The following SLC25A16 variants were observed in gnomAD, a reference collection of about 807,000 sequenced individuals.
SLC25A16 encodes the protein solute carrier family 25 member 16, also known as mitochondrial coenzyme A transporter SLC25A16.
A neutral mutation model predicts 41.5 loss-of-function variants in SLC25A16; 39 were observed. The observed-to-expected ratio is 0.94, with a 90% CI of 0.73 to 1.23. The LOEUF is 1.23. Ranked by LOEUF, SLC25A16 falls within the 50% of genes most tolerant of loss-of-function variation. The pLI is 0.00. For missense variants in SLC25A16, 421 were observed against 426.9 expected (o/e 0.99, Z 0.12); for synonymous variants, 146 against 147.8 (o/e 0.99, Z 0.09).
chr10:68,494,993 G>A (rs988926016), intron 4 of SLC25A16, among the ~76,000 whole-genome samples: 18 of 151,624 alleles, frequency 1.2e-4, no homozygotes, highest in African/African-American at 4.4e-4. Context: ...TAAAGGTAAA[G>A]GAGGTGTGTG....
chr10:68,519,876 C>A (rs1294872519), intron 1 of SLC25A16, among the ~76,000 whole-genome samples: 4 of 151,118 alleles, frequency 2.6e-5, no homozygotes, highest in Admixed American at 2.6e-4. Context: ...GATCATGTCA[C>A]TGCACTCCAG....
At chr10:68,502,195 C>A (rs2052859245) in intron 4 of SLC25A16, among the ~76,000 whole-genome samples, 1 of 151,670 alleles carries the variant, frequency 6.6e-6, no homozygotes. Flanking sequence ...GCCTGGGCAA[C>A]AGAACAAGAC....
intron 1 of SLC25A16, chr10:68,517,800 C>CT (rs1331224629): frequency 6.6e-6 from 1 of 151,078 alleles, no homozygotes; most frequent in Admixed American, 6.6e-5. Context: ...GAAACCCCGT[C>CT]TCTATCAAAT....
chr10:68,526,196 C>T (rs942748791), intron 1 of SLC25A16, among the ~76,000 whole-genome samples: 4 of 151,168 alleles, frequency 2.6e-5, no homozygotes. Flanking sequence ...TGGAATGTCT[C>T]GGTATAAAAC....
At chr10:68,516,887 C>T (rs2053170130) in intron 1 of SLC25A16, 44 bp from the exon 2 acceptor site, 2 of 1,427,702 alleles carry the variant, frequency 1.4e-6, no homozygotes, top group Non-Finnish European at 2.0e-6. Context: ...CGTACCATTT[C>T]TTTCCAGATG....
At position 68,480,973 on chromosome 10, in the gene SLC25A16, A is replaced by G. The variant is rs1238399931; in HGVS notation, c.*2459T>C. On this transcript the variant is annotated 3_prime_UTR_variant, in exon 9 of 9. Coordinates refer to ENST00000609923, the MANE Select transcript of SLC25A16 (RefSeq NM_152707.4). ...TGTACAGCCTTTTTTTTTCTTTTAT[A>G]CAGTCTCACTCTGTATAAAAGAAAT... 1 of 146,928 alleles carries G rather than the reference A, an allele frequency of 6.8e-6. No homozygotes were observed. The highest frequency in any genetic ancestry group is 1.5e-5 in the Non-Finnish European group (1 of 67,084). 9.1% of individuals were successfully genotyped at this position (146,928 alleles called of 1,614,324 possible).
intron 2 of SLC25A16, among the ~76,000 whole-genome samples, chr10:68,509,292 G>A (rs1054726041): frequency 1.3e-5 from 2 of 152,048 alleles, no homozygotes; most frequent in African/African-American, 4.8e-5. Flanking sequence ...AGCCACTCCA[G>A]CGACACTGCA....
intron 6 of SLC25A16, 44 bp downstream of exon 6, chr10:68,493,088 A>AT: frequency 8.7e-7 from 1 of 1,144,970 alleles, no homozygotes; most frequent in Non-Finnish European, 1.3e-6. Flanking sequence ...AAGGTAACAA[A>AT]TTTTAAACAT....
At chr10:68,485,837 G>T (rs1276718669) in intron 8 of SLC25A16, among the ~76,000 whole-genome samples, 1 of 136,574 alleles carries the variant, frequency 7.3e-6, no homozygotes, top group African/African-American at 2.8e-5. Context: ...TCACTCTATC[G>T]CCCAGGCTGG....
At chr10:68,518,815 T>C (rs1213654875) in intron 1 of SLC25A16, among the ~76,000 whole-genome samples, 1 of 148,642 alleles carries the variant, frequency 6.7e-6, no homozygotes, top group South Asian at 2.1e-4. Context: ...ATAAATTAAA[T>C]AAATAAATAA....
At chr10:68,515,970 C>T (rs903267132) in intron 2 of SLC25A16, among the ~76,000 whole-genome samples, 1 of 152,042 alleles carries the variant, frequency 6.6e-6, no homozygotes, top group African/African-American at 2.4e-5. Context: ...TATATAACCA[C>T]TACTGCAAAT....
chr10:68,520,441 C>T (rs1012187899), intron 1 of SLC25A16, among the ~76,000 whole-genome samples: 19 of 151,972 alleles, frequency 1.3e-4, no homozygotes, highest in African/African-American at 4.6e-4. Context: ...TTTGGGAGGC[C>T]TAGGTGGGAG....
At chr10:68,495,491 A>G (rs1425037014) in intron 4 of SLC25A16, among the ~76,000 whole-genome samples, 1 of 151,140 alleles carries the variant, frequency 6.6e-6, no homozygotes, top group East Asian at 2.0e-4. Context: ...TTAAAAGAGT[A>G]TATACTCTAG....
chr10:68,506,868 A>G, intron 2 of SLC25A16, 150 bp from the exon 3 acceptor site: 1 of 487,358 alleles, frequency 2.1e-6, no homozygotes, highest in Non-Finnish European at 3.6e-6. Context: ...TAAAACAGTT[A>G]AACCTACTAA....
intron 1 of SLC25A16, among the ~76,000 whole-genome samples, chr10:68,521,633 G>A (rs1306851588): frequency 5.3e-5 from 7 of 132,204 alleles, no homozygotes; most frequent in East Asian, 2.2e-4. Context: ...TCGCTCTGTC[G>A]CCCAGGCTGG....
intron 4 of SLC25A16, among the ~76,000 whole-genome samples, chr10:68,494,582 T>A (rs898913133): frequency 6.8e-6 from 1 of 147,636 alleles, no homozygotes; most frequent in Non-Finnish European, 1.5e-5. Context: ...AGAGGTTTAA[T>A]AGAAAATCAC....
chr10:68,505,922 AC>A (rs1376154316), intron 3 of SLC25A16, among the ~76,000 whole-genome samples: 14 of 151,872 alleles, frequency 9.2e-5, no homozygotes, highest in Non-Finnish European at 7.4e-5. Context: ...AATTCCAGCT[AC>A]TCAGGAGGCT....
intron 2 of SLC25A16, among the ~76,000 whole-genome samples, chr10:68,511,134 A>T (rs1222549454): frequency 6.6e-6 from 1 of 151,856 alleles, no homozygotes; most frequent in African/African-American, 2.4e-5. Flanking sequence ...GCTACTCGAG[A>T]GGCTGAGGCA....
chr10:68,501,429 C>T (rs987185569), intron 4 of SLC25A16, among the ~76,000 whole-genome samples: 2 of 151,394 alleles, frequency 1.3e-5, no homozygotes, highest in Non-Finnish European at 2.9e-5. Flanking sequence ...TGAGTGTAAA[C>T]TCATCCCACT....
Sources: gnomAD v4.1 joint callset for allele counts (sites outside exome capture counted in the v4.1 genomes callset) on GRCh38, gnomAD v4.1.1 for gene constraint, MANE v1.5 for transcripts, NCBI Gene and HGNC (gene_info 2026-07-23, HGNC 2026-07-21) for gene names.